The following MAGI1 variants were observed in gnomAD, a reference collection of about 807,000 sequenced individuals.
The protein encoded by MAGI1 is membrane associated guanylate kinase, WW and PDZ domain containing 1.
A neutral mutation model predicts 139.9 loss-of-function variants in MAGI1; 58 were observed. The ratio of observed to expected loss-of-function variants is 0.41; its 90% confidence interval spans 0.34 to 0.52. The LOEUF (loss-of-function observed/expected upper bound fraction) is 0.52. MAGI1 is among the 20% of genes least tolerant of loss of function. The pLI is 0.12. For synonymous variants in MAGI1, 812 were observed against 737.9 expected, an observed-to-expected ratio of 1.10 and a Z score of -1.63; for missense variants, 1,874 against 1,901.6, an observed-to-expected ratio of 0.99 and a Z score of 0.27.
intron 2 of MAGI1, chr3:65,549,470 C>T (rs1263426075): frequency 2.0e-6 from 2 of 984,952 alleles, no homozygotes; most frequent in African/African-American, 3.5e-5. Flanking sequence ...GGCGCGCGCT[C>T]GGTGGCCGCC....
At chr3:65,943,459 C>T (rs779101217) in intron 1 of MAGI1, among the ~76,000 whole-genome samples, 28 of 151,868 alleles carry the variant, frequency 1.8e-4, no homozygotes, top group Non-Finnish European at 3.5e-4. Flanking sequence ...CCTGTAATCC[C>T]GGCTAGTCGG....
intron 1 of MAGI1, among the ~76,000 whole-genome samples, chr3:65,764,727 A>G (rs906206573): frequency 2.6e-5 from 4 of 152,204 alleles, no homozygotes; most frequent in African/African-American, 9.6e-5. Flanking sequence ...CTTCTTTAGA[A>G]TACAGTGAGA....
intron 1 of MAGI1, among the ~76,000 whole-genome samples, chr3:65,705,617 G>A (rs962134214): frequency 5.3e-5 from 8 of 152,160 alleles, no homozygotes; most frequent in Admixed American, 5.2e-4. Flanking sequence ...CCTAATTTAT[G>A]GCTTTGAATA....
intron 1 of MAGI1, among the ~76,000 whole-genome samples, chr3:65,640,184 G>C (rs2084908001): frequency 6.6e-6 from 1 of 151,836 alleles, no homozygotes. Flanking sequence ...CTCTATAACT[G>C]TGTGAGCCAA....
At chr3:65,862,526 G>GC (rs1325533454) in intron 1 of MAGI1, among the ~76,000 whole-genome samples, 7 of 152,264 alleles carry the variant, frequency 4.6e-5, no homozygotes, top group African/African-American at 1.7e-4. Context: ...TCTTCACCCT[G>GC]CATCACACAC....
chr3:65,986,409 A>G (rs903351902), intron 1 of MAGI1, among the ~76,000 whole-genome samples: 1 of 152,206 alleles, frequency 6.6e-6, no homozygotes, highest in African/African-American at 2.4e-5. Context: ...TGTCTCTTGC[A>G]TCTGAATCAG....
At chr3:65,992,588 T>C (rs2066239546) in intron 1 of MAGI1, among the ~76,000 whole-genome samples, 4 of 152,158 alleles carry the variant, frequency 2.6e-5, no homozygotes, top group Admixed American at 2.6e-4. Context: ...GGGGATCTTG[T>C]TAAAATGCAG....
intron 2 of MAGI1, among the ~76,000 whole-genome samples, chr3:65,580,905 C>T (rs1039259400): frequency 5.3e-5 from 8 of 152,122 alleles, no homozygotes; most frequent in African/African-American, 1.9e-4. Context: ...ATTCAAAATA[C>T]CCAGAGTTAA....
chr3:65,961,626 T>C (rs760698563), intron 1 of MAGI1, among the ~76,000 whole-genome samples: 3 of 152,184 alleles, frequency 2.0e-5, no homozygotes, highest in Admixed American at 1.3e-4. Context: ...AACTAATGAC[T>C]TGTTTTTAAA....
Position 65,375,992 on chromosome 3 carries a change from T to C in MAGI1, c.2996-47A>G, listed in dbSNP as rs551682013. 26 of 1,425,682 alleles carry C rather than the reference T, an allele frequency of 1.8e-5. No homozygotes were observed. The East Asian group carries it at 4.4e-4, about 24-fold the overall frequency. 88.3% of individuals were successfully genotyped at this position (1,425,682 alleles called of 1,614,324 possible). A position where few individuals can be genotyped will look rare whatever the true frequency, so the allele number is the denominator to read the frequency against. On this transcript the variant is annotated intron_variant, in intron 17 of 22. Coordinates refer to ENST00000402939, the MANE Select transcript of MAGI1 (RefSeq NM_001033057.2). ...ATTTTTTTAAAGTTACGTGGGAATA[T>C]AGCAAAGGGAAGAGAAAAAGGGTTG...
chr3:65,357,088 C>G lies in MAGI1; in HGVS notation c.3679G>C (p.Val1227Leu). Reference sequence around the variant, plus strand: ...TCGGGCCCGGCCCTCACTTCCGGAACACCTTGTGGACCGGTGGCGGGGCCG... The same window carrying G: ...TCGGGCCCGGCCCTCACTTCCGGAAGACCTTGTGGACCGGTGGCGGGGCCG... ...RHGPATGPQG[V>L]PEVRAGPDRR... The change falls in exon 23 of 23, where the codon GTT (valine) becomes CTT (leucine). Residue 1227 changes from valine to leucine, a missense_variant. Val to Leu is a conservative substitution (Grantham distance 32). Transcript: ENST00000402939. 1 of 1,614,040 alleles carries G rather than the reference C, an allele frequency of 6.2e-7. No individual in the cohort carries two copies. The highest frequency in any genetic ancestry group is 8.5e-7 in the Non-Finnish European group (1 of 1,179,968).
chr3:65,637,183 T>C (rs2084675719), intron 1 of MAGI1, among the ~76,000 whole-genome samples: 1 of 152,210 alleles, frequency 6.6e-6, no homozygotes, highest in African/African-American at 2.4e-5. Context: ...GGAACAGTTA[T>C]ACTTAAGTGC....
intron 2 of MAGI1, among the ~76,000 whole-genome samples, chr3:65,611,017 T>A (rs1009160720): frequency 4.6e-5 from 6 of 129,174 alleles, no homozygotes; most frequent in African/African-American, 1.7e-4. Flanking sequence ...TATACATACA[T>A]ATAGTGTGTA....
intron 2 of MAGI1, among the ~76,000 whole-genome samples, chr3:65,556,827 T>C (rs959477913): frequency 3.9e-5 from 6 of 152,214 alleles, no homozygotes. Flanking sequence ...TAATATGACC[T>C]AAAAGGACAT....
chr3:65,951,034 AGGAAAGGAG>A (rs1560047375), intron 1 of MAGI1, among the ~76,000 whole-genome samples: 5 of 68,254 alleles, frequency 7.3e-5, no homozygotes, highest in Non-Finnish European at 1.7e-4. Flanking sequence ...GAAGGAAGGA[AGGAAAGGAG>A]GGAGGGAGGG....
intron 1 of MAGI1, among the ~76,000 whole-genome samples, chr3:65,921,824 T>A (rs1285619837): frequency 6.6e-6 from 1 of 151,790 alleles, no homozygotes; most frequent in East Asian, 1.9e-4. Flanking sequence ...AAAGTTAGCC[T>A]GAGCCCAGGA....
chr3:65,440,802 T>C (rs1007813636), intron 8 of MAGI1, among the ~76,000 whole-genome samples: 9 of 150,026 alleles, frequency 6.0e-5, no homozygotes, highest in African/African-American at 2.2e-4. Context: ...CACATATATA[T>C]GTATACATAT....
chr3:65,529,372 T>A (rs1043056852), intron 2 of MAGI1, among the ~76,000 whole-genome samples: 1 of 152,286 alleles, frequency 6.6e-6, no homozygotes, highest in Non-Finnish European at 1.5e-5. Flanking sequence ...TTCCCTGTTC[T>A]CCTCTCCCCC....
intron 1 of MAGI1, among the ~76,000 whole-genome samples, chr3:66,005,995 T>G (rs1235389393): frequency 6.6e-6 from 1 of 152,154 alleles, no homozygotes; most frequent in Non-Finnish European, 1.5e-5. Flanking sequence ...AACTCTGGAT[T>G]TACTTGGGTT....
Sources: gnomAD v4.1 joint callset for allele counts (sites outside exome capture counted in the v4.1 genomes callset) on GRCh38, gnomAD v4.1.1 for gene constraint, MANE v1.5 for transcripts, NCBI Gene and HGNC (gene_info 2026-07-23, HGNC 2026-07-21) for gene names.